Variants in KCNH7 observed in about 807,000 individuals in gnomAD.
The protein encoded by KCNH7 is potassium voltage-gated channel subfamily H member 7, also known as voltage-gated inwardly rectifying potassium channel KCNH7.
A neutral mutation model predicts 120.8 loss-of-function variants in KCNH7; 49 were observed. The observed-to-expected ratio is 0.41, with a 90% CI of 0.32 to 0.51. The LOEUF (loss-of-function observed/expected upper bound fraction) is 0.51. Among genes scored for constraint, KCNH7 ranks in the 20% least tolerant of loss-of-function variants. The pLI, the probability that KCNH7 is intolerant of heterozygous loss-of-function variation, is 0.38. For synonymous variants in KCNH7, 547 were observed against 516.1 expected (o/e 1.06, Z -0.81); for missense variants, 1,097 against 1,446.6 (o/e 0.76, Z 3.92).
chr2:162,767,958 T>C (rs760215009), intron 2 of KCNH7, among the ~76,000 whole-genome samples: 3 of 152,174 alleles, frequency 2.0e-5, no homozygotes, highest in Admixed American at 2.0e-4. Context: ...AATAGTATCC[T>C]ACAACATTTT....
intron 2 of KCNH7, among the ~76,000 whole-genome samples, chr2:162,695,219 C>T (rs111356625): frequency 1.3e-4 from 20 of 152,158 alleles, no homozygotes; most frequent in African/African-American, 3.1e-4. Context: ...AAGTTGGAAA[C>T]GTATCGGTTG....
intron 2 of KCNH7, among the ~76,000 whole-genome samples, chr2:162,610,422 T>C (rs111441337): frequency 4.6e-5 from 7 of 152,348 alleles, no homozygotes; most frequent in African/African-American, 1.7e-4. Flanking sequence ...GATTTAGGAA[T>C]ATCATTTCAA....
chr2:162,820,010 C>T (rs1235277617), intron 2 of KCNH7, among the ~76,000 whole-genome samples: 3 of 139,036 alleles, frequency 2.2e-5, no homozygotes, highest in Admixed American at 7.1e-5. Context: ...TGTGTTTGTT[C>T]GGGTATTTCT....
At chr2:162,726,055 G>C (rs1687504740) in intron 2 of KCNH7, among the ~76,000 whole-genome samples, 1 of 151,824 alleles carries the variant, frequency 6.6e-6, no homozygotes, top group African/African-American at 2.4e-5. Flanking sequence ...GTTTAAATTG[G>C]GACACTAGTC....
In KCNH7 at chr2:162,518,206, T is replaced by C. The variant is rs1260894250; in HGVS notation, c.464-48A>G. ...GCATTATTATAAGGCAAATGATATA[T>C]CCTGTAACAAAAACAAACATTGTTG... On this transcript the variant is annotated intron_variant, in intron 3 of 15. Transcript: ENST00000332142. 7 of 1,359,088 alleles carry C rather than the reference T, an allele frequency of 5.2e-6. No individual in the cohort carries two copies. In the South Asian group the frequency reaches 8.0e-5, roughly 16 times the overall value. The allele number at this position is 1,359,088 out of a possible 1,614,324, so 84.2% of individuals were successfully genotyped here.
intron 2 of KCNH7, among the ~76,000 whole-genome samples, chr2:162,740,032 A>C (rs1171186342): frequency 2.0e-5 from 3 of 152,184 alleles, no homozygotes; most frequent in African/African-American, 7.2e-5. Context: ...TGTCAGAAGT[A>C]ACAGACAGGT....
chr2:162,779,860 T>C (rs1683410071), intron 2 of KCNH7, among the ~76,000 whole-genome samples: 1 of 152,216 alleles, frequency 6.6e-6, no homozygotes, highest in Non-Finnish European at 1.5e-5. Context: ...CTCTCTTGCA[T>C]GTGTTCAGAC....
intron 2 of KCNH7, among the ~76,000 whole-genome samples, chr2:162,621,546 T>A (rs1425908140): frequency 6.6e-6 from 1 of 152,160 alleles, no homozygotes; most frequent in East Asian, 1.9e-4. Context: ...GACAATTGAT[T>A]ATGTACCACT....
At chr2:162,812,314 T>A (rs909181258) in intron 2 of KCNH7, among the ~76,000 whole-genome samples, 7 of 152,016 alleles carry the variant, frequency 4.6e-5, no homozygotes, top group Admixed American at 2.0e-4. Context: ...AGTTAAATAT[T>A]AATACAAGAT....
chr2:162,727,404 G>C (rs1431632669), intron 2 of KCNH7, among the ~76,000 whole-genome samples: 56 of 151,858 alleles, frequency 3.7e-4, no homozygotes, highest in Admixed American at 3.5e-3. Context: ...TTACAGTTTT[G>C]ACATAGGTTT....
At chr2:162,530,710 G>T (rs144804264) in intron 3 of KCNH7, among the ~76,000 whole-genome samples, 1 of 151,902 alleles carries the variant, frequency 6.6e-6, no homozygotes, top group African/African-American at 2.4e-5. Context: ...AGGTGCATCA[G>T]AATTTTTTAT....
intron 9 of KCNH7, among the ~76,000 whole-genome samples, chr2:162,405,899 A>G (rs1000103233): frequency 6.6e-6 from 1 of 151,976 alleles, no homozygotes; most frequent in African/African-American, 2.4e-5. Context: ...GTGGAGTCAG[A>G]AGGGAGCAAT....
At chr2:162,458,580 C>A (rs915022669) in intron 6 of KCNH7, among the ~76,000 whole-genome samples, 1 of 152,060 alleles carries the variant, frequency 6.6e-6, no homozygotes, top group African/African-American at 2.4e-5. Context: ...TTTTCTTTAT[C>A]TTTGTCTTAA....
At chr2:162,453,901 AG>A (rs938060055) in intron 6 of KCNH7, among the ~76,000 whole-genome samples, 1 of 152,118 alleles carries the variant, frequency 6.6e-6, no homozygotes, top group Non-Finnish European at 1.5e-5. Context: ...CCCATTCTGT[AG>A]GCTGCCTGTT....
At chr2:162,735,011 C>G (rs71424753) in intron 2 of KCNH7, among the ~76,000 whole-genome samples, 6 of 152,158 alleles carry the variant, frequency 3.9e-5, no homozygotes, top group Non-Finnish European at 7.4e-5. Context: ...CCAGCAGAAC[C>G]TGTCTCTTCC....
At chr2:162,713,351 G>A (rs1465769836) in intron 2 of KCNH7, among the ~76,000 whole-genome samples, 2 of 152,144 alleles carry the variant, frequency 1.3e-5, no homozygotes, top group Admixed American at 1.3e-4. Context: ...ATGGACAGAG[G>A]ACATGTCTCG....
chr2:162,717,667 T>C (rs1286181005), intron 2 of KCNH7, among the ~76,000 whole-genome samples: 1 of 152,108 alleles, frequency 6.6e-6, no homozygotes, highest in Non-Finnish European at 1.5e-5. Context: ...TTTTTCCCCA[T>C]AGCTCTTCTT....
At chr2:162,595,908 C>T (rs900462072) in intron 2 of KCNH7, among the ~76,000 whole-genome samples, 1 of 151,584 alleles carries the variant, frequency 6.6e-6, no homozygotes, top group Admixed American at 6.6e-5. Flanking sequence ...CATTTTTATA[C>T]ATTAACAGTG....
intron 6 of KCNH7, among the ~76,000 whole-genome samples, chr2:162,463,930 TG>T (rs1326601929): frequency 6.6e-6 from 1 of 151,976 alleles, no homozygotes; most frequent in Non-Finnish European, 1.5e-5. Context: ...AAACAAATCA[TG>T]TATTCTACTG....
Sources: allele counts gnomAD v4.1 joint callset (sites outside exome capture counted in the v4.1 genomes callset), GRCh38; gene constraint gnomAD v4.1.1; transcripts MANE v1.5; gene names NCBI Gene and HGNC (gene_info 2026-07-23, HGNC 2026-07-21).